The following SKAP2 variants were observed in gnomAD, a reference collection of about 807,000 sequenced individuals.
The protein encoded by SKAP2 is src kinase associated phosphoprotein 2.
Under a neutral mutation model 54.9 loss-of-function variants are expected in SKAP2, and 28 were observed. The ratio of observed to expected loss-of-function variants is 0.51; its 90% CI spans 0.38 to 0.70. The LOEUF is 0.70. Among genes scored for constraint, SKAP2 ranks in the 30% least tolerant of loss-of-function variants. SKAP2 has a pLI of 0.00. For missense variants in SKAP2, 356 were observed against 424.1 expected, an observed-to-expected ratio of 0.84 and a Z score of 1.41; for synonymous variants, 137 against 134.3, an observed-to-expected ratio of 1.02 and a Z score of -0.14.
chr7:26,748,940 T>G, intron 4 of SKAP2, among the ~76,000 whole-genome samples: 1 of 152,170 alleles, frequency 6.6e-6, no homozygotes, highest in East Asian at 1.9e-4. Context: ...GCTTTAGTTT[T>G]CAAATCTTTC....
intron 6 of SKAP2, among the ~76,000 whole-genome samples, chr7:26,735,940 G>T (rs1206181133): frequency 6.6e-6 from 1 of 151,916 alleles, no homozygotes; most frequent in Non-Finnish European, 1.5e-5. Flanking sequence ...ATAGAAAAAA[G>T]AACCACAAGA....
At chr7:26,694,670 AAAC>A (rs1433897285) in intron 9 of SKAP2, among the ~76,000 whole-genome samples, 2 of 151,864 alleles carry the variant, frequency 1.3e-5, no homozygotes, top group Non-Finnish European at 2.9e-5. Context: ...TTAAAAAAAA[AAAC>A]AACTGCACCC....
intron 4 of SKAP2, among the ~76,000 whole-genome samples, chr7:26,794,490 G>A (rs532664272): frequency 4.6e-5 from 7 of 152,364 alleles, no homozygotes; most frequent in African/African-American, 9.6e-5. Context: ...TTTTGGGTTG[G>A]ATAAAAGTTG....
chr7:26,839,547 CA>C (rs1784778626), intron 4 of SKAP2, among the ~76,000 whole-genome samples: 1 of 151,786 alleles, frequency 6.6e-6, no homozygotes, highest in Non-Finnish European at 1.5e-5. Flanking sequence ...TTTTAGGTGT[CA>C]AAAATATGAT....
At chr7:26,706,943 T>C (rs896506129) in intron 9 of SKAP2, among the ~76,000 whole-genome samples, 2 of 152,246 alleles carry the variant, frequency 1.3e-5, no homozygotes, top group African/African-American at 2.4e-5. Context: ...ATTCTTTGTA[T>C]ATACAAATGT....
intron 6 of SKAP2, among the ~76,000 whole-genome samples, chr7:26,734,806 A>C (rs1787890357): frequency 1.3e-5 from 2 of 152,148 alleles, no homozygotes; most frequent in African/African-American, 4.8e-5. Context: ...TTGAGGGTAA[A>C]GCCCTCATGC....
chr7:26,752,887 C>A (rs188149534), intron 4 of SKAP2, among the ~76,000 whole-genome samples: 11 of 152,226 alleles, frequency 7.2e-5, no homozygotes, highest in Middle Eastern at 3.4e-3. Flanking sequence ...TTTGTATCCA[C>A]CAAATATCCA....
the SKAP2 span, among the ~76,000 whole-genome samples, chr7:26,657,542 T>C: frequency 6.6e-6 from 1 of 152,212 alleles, no homozygotes; most frequent in South Asian, 2.1e-4. Flanking sequence ...ATTAATTTAA[T>C]GTAGCCCATG....
chr7:26,690,857 G>A (rs1026566305), intron 9 of SKAP2, among the ~76,000 whole-genome samples: 17 of 152,280 alleles, frequency 1.1e-4, no homozygotes, highest in Middle Eastern at 6.8e-3. Flanking sequence ...AAGGAGAAAT[G>A]TGTGATTAAA....
intron 4 of SKAP2, among the ~76,000 whole-genome samples, chr7:26,744,257 T>C (rs995057172): frequency 3.9e-5 from 6 of 152,188 alleles, no homozygotes; most frequent in African/African-American, 1.2e-4. Context: ...TAAAAATAAT[T>C]ATTTCAAAAT....
At position 26,816,882 on chromosome 7, in the gene SKAP2, T is replaced by C. The variant is rs565773278; in HGVS notation, c.307+27148A>G. 1.8e-4 allele frequency among the ~76,000 whole-genome samples: 27 copies of C among 152,258 alleles called. 1 individual carries two copies. The highest frequency in any genetic ancestry group is 6.8e-3 in the Middle Eastern group (2 of 294). On this transcript the variant is annotated intron_variant, in intron 4 of 12. Coordinates refer to ENST00000345317, the MANE Select transcript of SKAP2 (RefSeq NM_003930.5). ...AACCTTTCTGACACATTTTCTAACA[T>C]GTTACAAAAGGATAGGAAATTAATT...
chr7:26,767,091 T>G (rs1783074729), intron 4 of SKAP2, among the ~76,000 whole-genome samples: 1 of 152,038 alleles, frequency 6.6e-6, no homozygotes, highest in Non-Finnish European at 1.5e-5. Context: ...GTGAATCCAT[T>G]TGGTCCTGGG....
intron 9 of SKAP2, among the ~76,000 whole-genome samples, chr7:26,695,051 A>C (rs1428896116): frequency 1.3e-5 from 2 of 152,202 alleles, no homozygotes; most frequent in South Asian, 4.1e-4. Flanking sequence ...ATTTGTTAAC[A>C]CCAACTCAAG....
intron 6 of SKAP2, among the ~76,000 whole-genome samples, chr7:26,731,307 C>G (rs946892660): frequency 6.6e-6 from 1 of 152,128 alleles, no homozygotes; most frequent in Non-Finnish European, 1.5e-5. Flanking sequence ...CCACTGTCCT[C>G]AATACAATGT....
chr7:26,675,536 T>C (rs1400623679), intron 11 of SKAP2, among the ~76,000 whole-genome samples: 1 of 152,192 alleles, frequency 6.6e-6, no homozygotes, highest in Non-Finnish European at 1.5e-5. Flanking sequence ...TTACACTTAA[T>C]CTGTATGCCT....
intron 11 of SKAP2, among the ~76,000 whole-genome samples, chr7:26,678,039 T>C (rs1359490058): frequency 2.0e-5 from 3 of 152,222 alleles, no homozygotes; most frequent in Non-Finnish European, 2.9e-5. Context: ...CAGACCTGTA[T>C]TGATACCTGG....
chr7:26,842,446 C>A (rs1286506661), intron 4 of SKAP2, among the ~76,000 whole-genome samples: 3 of 151,664 alleles, frequency 2.0e-5, no homozygotes, highest in African/African-American at 7.3e-5. Flanking sequence ...TAACAAGCTA[C>A]TGGAAGATTT....
intron 11 of SKAP2, among the ~76,000 whole-genome samples, chr7:26,678,442 C>CTTTTTTTTTTTTT (rs931425488): frequency 7.5e-6 from 1 of 133,834 alleles, no homozygotes; most frequent in African/African-American, 2.8e-5. Context: ...ACTGGTTGTT[C>CTTTTTTTTTTTTT]TTTTTTTTTT....
At chr7:26,847,464 G>A (rs1342940958) in intron 3 of SKAP2, among the ~76,000 whole-genome samples, 1 of 151,322 alleles carries the variant, frequency 6.6e-6, no homozygotes, top group Non-Finnish European at 1.5e-5. Context: ...CAGGGGCTGA[G>A]TATTTGTAGT....
Sources: allele counts gnomAD v4.1 joint callset (sites outside exome capture counted in the v4.1 genomes callset), GRCh38; gene constraint gnomAD v4.1.1; transcripts MANE v1.5; gene names NCBI Gene and HGNC (gene_info 2026-07-23, HGNC 2026-07-21).